Variants in PTPRD observed in about 807,000 individuals in gnomAD.
PTPRD encodes protein tyrosine phosphatase receptor type D, also known as receptor-type tyrosine-protein phosphatase delta.
A neutral mutation model predicts 214.5 loss-of-function variants in PTPRD; 34 were observed. The observed-to-expected ratio is 0.16, with a 90% confidence interval of 0.12 to 0.21. The LOEUF (loss-of-function observed/expected upper bound fraction) is 0.21, where lower values mean the gene tolerates loss of function less well. Among genes scored for constraint, PTPRD ranks in the 10% least tolerant of loss-of-function variants. PTPRD has a pLI of 1.00. For synonymous variants in PTPRD, 1,128 were observed against 845.7 expected, an observed-to-expected ratio of 1.33 and a Z score of -5.79; for missense variants, 2,545 against 2,398.7, an observed-to-expected ratio of 1.06 and a Z score of -1.27.
At chr9:8,369,344 A>G (rs2134282471) in intron 39 of PTPRD, among the ~76,000 whole-genome samples, 1 of 152,176 alleles carries the variant, frequency 6.6e-6, no homozygotes, top group Non-Finnish European at 1.5e-5. Context: ...TTAGGGGTAC[A>G]TGGTTATGCT....
chr9:9,969,152 A>G (rs540291945), intron 4 of PTPRD, among the ~76,000 whole-genome samples: 4 of 151,860 alleles, frequency 2.6e-5, no homozygotes, highest in Admixed American at 2.0e-4. Context: ...ACCTGAGGTT[A>G]CATAGAAATT....
chr9:9,007,899 T>TC (rs200376565), intron 11 of PTPRD, among the ~76,000 whole-genome samples: 8 of 132,172 alleles, frequency 6.1e-5, no homozygotes, highest in South Asian at 2.5e-4. Context: ...TTTTTTTTTG[T>TC]TTTTGAAATT....
At chr9:9,781,736 G>A (rs922691646) in intron 5 of PTPRD, among the ~76,000 whole-genome samples, 1 of 151,506 alleles carries the variant, frequency 6.6e-6, no homozygotes, top group East Asian at 1.9e-4. Flanking sequence ...TACACAATCC[G>A]ATTTGCTAAG....
chr9:9,698,588 T>C (rs1206494269), intron 7 of PTPRD, among the ~76,000 whole-genome samples: 2 of 152,180 alleles, frequency 1.3e-5, no homozygotes, highest in Non-Finnish European at 2.9e-5. Context: ...TTTTCTGGTC[T>C]GGTAATGGTA....
intron 14 of PTPRD, among the ~76,000 whole-genome samples, chr9:8,571,698 G>C (rs1487077382): frequency 6.6e-6 from 1 of 152,022 alleles, no homozygotes; most frequent in Non-Finnish European, 1.5e-5. Flanking sequence ...TAGTGTAAGT[G>C]GGTTCTTCCA....
chr9:8,494,753 C>T (rs976491956), intron 26 of PTPRD, among the ~76,000 whole-genome samples: 1 of 152,178 alleles, frequency 6.6e-6, no homozygotes. Flanking sequence ...ATTTGAAATG[C>T]GTCAAGTTCC....
At chr9:9,547,548 A>G (rs79411239) in intron 8 of PTPRD, among the ~76,000 whole-genome samples, 3,136 of 152,120 alleles carry the variant, frequency 0.021, 99 homozygotes, top group African/African-American at 0.069. Context: ...AAATGCATGT[A>G]GAGTGTGTGA....
At position 10,610,487 on chromosome 9, in the gene PTPRD, C is replaced by T. The variant is rs2080678197; in HGVS notation, c.-600+1911G>A. Among the ~76,000 whole-genome samples the T allele has an allele frequency of 3.3e-5, 5 of 150,404 alleles. No homozygotes were observed. In the South Asian group the frequency reaches 1.1e-3, roughly 32 times the overall value. On this transcript the variant is annotated intron_variant, in intron 2 of 45. Coordinates refer to ENST00000381196, the MANE Select transcript of PTPRD (RefSeq NM_002839.4). ...TTTGCCCTACTTAGGTACAATCTTC[C>T]CCTTTATTTTTCAATAATTAAGTTT...
intron 4 of PTPRD, among the ~76,000 whole-genome samples, chr9:9,940,669 A>G (rs1448565192): frequency 6.6e-6 from 1 of 152,174 alleles, no homozygotes; most frequent in Non-Finnish European, 1.5e-5. Context: ...CTCCTGTTGA[A>G]ATACAAAAAT....
rs576196150 is a variant in PTPRD at position 9,563,022 on chromosome 9, C to A, written c.-237+11710G>T. On this transcript the variant is annotated intron_variant, in intron 8 of 45. Transcript: ENST00000381196. The stretch of plus-strand genomic sequence containing the variant: ...ATTGCTAGATGAATGACTATTAGAA[C>A]ATTTTTAATAAATCACCTTTTTCAA... 6.6e-5 allele frequency among the ~76,000 whole-genome samples: 10 copies of A among 152,256 alleles called. No individual in the cohort carries two copies. The South Asian group carries it at 2.1e-3, about 32-fold the overall frequency.
chr9:8,793,429 C>A (rs1268547343), intron 11 of PTPRD, among the ~76,000 whole-genome samples: 1 of 152,170 alleles, frequency 6.6e-6, no homozygotes, highest in Non-Finnish European at 1.5e-5. Context: ...TGACTGCAGC[C>A]CCATCTAACA....
intron 3 of PTPRD, among the ~76,000 whole-genome samples, chr9:10,207,369 G>A (rs1473517632): frequency 6.6e-6 from 1 of 151,882 alleles, no homozygotes; most frequent in Non-Finnish European, 1.5e-5. Flanking sequence ...GAGAGACATT[G>A]GTCTGTAATT....
intron 9 of PTPRD, among the ~76,000 whole-genome samples, chr9:9,384,964 A>C (rs941626109): frequency 2.6e-5 from 4 of 152,176 alleles, no homozygotes; most frequent in Non-Finnish European, 5.9e-5. Flanking sequence ...TATATGTTCA[A>C]TATATCATTT....
chr9:9,248,782 T>C (rs144942749), intron 9 of PTPRD, among the ~76,000 whole-genome samples: 7 of 152,174 alleles, frequency 4.6e-5, no homozygotes, highest in Non-Finnish European at 8.8e-5. Context: ...AAAGGCACAA[T>C]TCTATCAAAG....
chr9:9,727,275 C>G (rs1183133774), intron 7 of PTPRD, among the ~76,000 whole-genome samples: 1 of 151,946 alleles, frequency 6.6e-6, no homozygotes, highest in Non-Finnish European at 1.5e-5. Flanking sequence ...CATACTGAAA[C>G]CCCATTTCTA....
intron 5 of PTPRD, among the ~76,000 whole-genome samples, chr9:9,809,060 A>C (rs10816187): frequency 0.57 from 85,775 of 151,086 alleles, 27,305 homozygotes; most frequent in East Asian, 0.88. Flanking sequence ...ACCTAGGATT[A>C]CAGGCAGAAG....
chr9:9,711,513 A>T, intron 7 of PTPRD, among the ~76,000 whole-genome samples: 1 of 152,168 alleles, frequency 6.6e-6, no homozygotes, highest in East Asian at 1.9e-4. Context: ...TTATAATTAG[A>T]CTACTTAATA....
chr9:9,122,790 C>T (rs937457397), intron 10 of PTPRD, among the ~76,000 whole-genome samples: 5 of 152,098 alleles, frequency 3.3e-5, no homozygotes, highest in African/African-American at 4.8e-5. Context: ...CATGGAGTAA[C>T]GTGCAAGGGT....
chr9:10,103,316 G>T (rs1420398613), intron 3 of PTPRD, among the ~76,000 whole-genome samples: 6 of 146,454 alleles, frequency 4.1e-5, no homozygotes, highest in African/African-American at 1.5e-4. Flanking sequence ...CCTAAAACCA[G>T]GAGGTAAGAT....
Sources: allele counts gnomAD v4.1 joint callset (sites outside exome capture counted in the v4.1 genomes callset), GRCh38; gene constraint gnomAD v4.1.1; transcripts MANE v1.5; gene names NCBI Gene and HGNC (gene_info 2026-07-23, HGNC 2026-07-21).